ABCB5: variants seen among roughly 807,000 people sequenced by gnomAD.
The protein encoded by ABCB5 is ATP-binding cassette sub-family B member 5.
Under a neutral mutation model 144.2 loss-of-function variants are expected in ABCB5, and 155 were observed. The observed-to-expected ratio is 1.08, with a 90% CI of 0.94 to 1.23. The LOEUF is 1.23. Ranked by LOEUF, ABCB5 falls within the 50% of genes most tolerant of loss-of-function variation. ABCB5 has a pLI of 0.00. For synonymous variants in ABCB5, 610 were observed against 528.6 expected, an observed-to-expected ratio of 1.15 and a Z score of -2.11; for missense variants, 1,830 against 1,520.8, an observed-to-expected ratio of 1.20 and a Z score of -3.38.
At chr7:20,664,915 C>G (rs1345693529) in intron 14 of ABCB5, among the ~76,000 whole-genome samples, 1 of 152,054 alleles carries the variant, frequency 6.6e-6, no homozygotes, top group African/African-American at 2.4e-5. Context: ...ATAGCAAGAC[C>G]TTGTCTGTAA....
intron 5 of ABCB5, among the ~76,000 whole-genome samples, chr7:20,638,254 A>C (rs896056701): frequency 2.6e-5 from 4 of 152,210 alleles, no homozygotes; most frequent in African/African-American, 9.6e-5. Context: ...TCCCAACACT[A>C]ATAGATAAAA....
chr7:20,666,170 CAAAAAAAAAA>C (rs60445898), intron 14 of ABCB5, among the ~76,000 whole-genome samples: 1 of 115,764 alleles, frequency 8.6e-6, no homozygotes, highest in Non-Finnish European at 1.9e-5. Context: ...AACTCTGTCT[CAAAAAAAAAA>C]AAAAAAAAAG....
Position 20,745,500 on chromosome 7 carries a change from G to A in ABCB5, c.3429+62G>A, listed in dbSNP as rs534518596. 204 of 1,460,884 alleles carry A rather than the reference G, an allele frequency of 1.4e-4. 2 individuals carry two copies. The African/African-American group carries it at 2.4e-3, about 18-fold the overall frequency. The allele number at this position is 1,460,884 out of a possible 1,614,324, so 90.5% of individuals were successfully genotyped here. On this transcript the variant is annotated intron_variant, in intron 26 of 27. Coordinates refer to ENST00000404938, the MANE Select transcript of ABCB5 (RefSeq NM_001163941.2). ...CCAAGTAAGGCTAAGTAGCTACTGG[G>A]CCTATGCAGTTGTTTTTATGTATTC...
chr7:20,619,817 A>G (rs1783770735), intron 1 of ABCB5, among the ~76,000 whole-genome samples: 1 of 152,228 alleles, frequency 6.6e-6, no homozygotes, highest in Non-Finnish European at 1.5e-5. Flanking sequence ...CAGGTTTTAC[A>G]TTTAAATCTT....
intron 14 of ABCB5, among the ~76,000 whole-genome samples, chr7:20,667,878 C>A (rs1388289142): frequency 6.7e-6 from 1 of 148,948 alleles, no homozygotes; most frequent in South Asian, 2.3e-4. Flanking sequence ...CACGCCGCCA[C>A]GCCTGACTGG....
At chr7:20,730,097 C>A (rs1782160346) in intron 23 of ABCB5, among the ~76,000 whole-genome samples, 1 of 152,182 alleles carries the variant, frequency 6.6e-6, no homozygotes, top group South Asian at 2.1e-4. Context: ...AGAAAACAGT[C>A]CAGAGTTCAC....
intron 14 of ABCB5, among the ~76,000 whole-genome samples, chr7:20,680,569 C>CAAA (rs112635560): frequency 3.8e-5 from 3 of 78,250 alleles, no homozygotes; most frequent in Admixed American, 1.5e-4. Flanking sequence ...GACTCCGTCT[C>CAAA]AAAAAAAAAA....
At chr7:20,619,707 C>T (rs1783768306) in intron 1 of ABCB5, among the ~76,000 whole-genome samples, 1 of 152,128 alleles carries the variant, frequency 6.6e-6, no homozygotes, top group Non-Finnish European at 1.5e-5. Context: ...CCAATTTTTG[C>T]TTCTGTCACA....
chr7:20,717,883 C>CT (rs574592723), intron 20 of ABCB5, among the ~76,000 whole-genome samples: 517 of 43,266 alleles, frequency 0.012, 209 homozygotes, highest in African/African-American at 0.014. Flanking sequence ...TTGTAACATT[C>CT]TTTTTTTTTT....
chr7:20,704,292 G>A (rs562457761), intron 19 of ABCB5, among the ~76,000 whole-genome samples: 55 of 151,956 alleles, frequency 3.6e-4, no homozygotes, highest in South Asian at 8.4e-4. Context: ...GGCCAGGCTG[G>A]TCTCGACCCC....
chr7:20,698,341 G>T, intron 16 of ABCB5, 66 bp from the exon 17 acceptor site: 1 of 1,357,676 alleles, frequency 7.4e-7, no homozygotes, highest in Non-Finnish European at 9.9e-7. Flanking sequence ...TTTATGATGG[G>T]CTAACTTCAC....
intron 19 of ABCB5, 89 bp from the exon 20 acceptor site, chr7:20,704,635 A>T: frequency 1.1e-6 from 1 of 947,484 alleles, no homozygotes; most frequent in Non-Finnish European, 1.6e-6. Context: ...GGAGGCAGGT[A>T]AATGTTTTCT....
intron 25 of ABCB5, among the ~76,000 whole-genome samples, chr7:20,743,904 T>A (rs1782637836): frequency 6.6e-6 from 1 of 152,210 alleles, no homozygotes; most frequent in South Asian, 2.1e-4. Flanking sequence ...GCACACTCCC[T>A]CTTCTAAACC....
At chr7:20,627,570 G>T (rs1046541086) in intron 3 of ABCB5, among the ~76,000 whole-genome samples, 13 of 151,856 alleles carry the variant, frequency 8.6e-5, no homozygotes, top group Admixed American at 1.3e-4. Context: ...TTTGGTTTTG[G>T]ACAGATGCTA....
chr7:20,723,162 C>T lies in ABCB5; in HGVS notation c.2568C>T (p.Thr856=), dbSNP rs752447604. 6.3e-5 allele frequency: 101 copies of T among 1,613,936 alleles called. 1 individual carries two copies. The highest frequency in any genetic ancestry group is 8.1e-5 in the Non-Finnish European group (95 of 1,180,038). ...PVLAVTGMIE[T]AAMTGFANKD... is the part of the protein sequence containing the mutation. The stretch of plus-strand genomic sequence containing the variant: ...TTGCCGTGACAGGAATGATTGAAAC[C>T]GCAGCAATGACTGGATTTGCCAACA... The change falls in exon 21 of 28, where the codon ACC becomes ACT. Residue 856 remains threonine, a synonymous_variant. Transcript: ENST00000404938.
chr7:20,687,339 A>G (rs1786035374), intron 16 of ABCB5, among the ~76,000 whole-genome samples: 1 of 152,250 alleles, frequency 6.6e-6, no homozygotes, highest in Admixed American at 6.5e-5. Context: ...GGACAAAATG[A>G]TATAATTGGT....
At chr7:20,682,120 G>C (rs532919487) in intron 15 of ABCB5, among the ~76,000 whole-genome samples, 1 of 152,194 alleles carries the variant, frequency 6.6e-6, no homozygotes, top group East Asian at 1.9e-4. Flanking sequence ...CAAGCGAATT[G>C]CTTGAACTAG....
rs761865636 is a variant in ABCB5 at position 20,649,997 on chromosome 7, AT to A, written c.1207-21del. ...ATCATCTTCTTATTGTGGTTTTATG[AT>A]TTTCCCTCCATACATTCCAATAGAT... On this transcript the variant is annotated intron_variant, in intron 11 of 27. Transcript: ENST00000404938. 3.8e-6 allele frequency: 6 copies of A among 1,595,716 alleles called. 1 individual carries two copies. In the South Asian group the frequency reaches 6.8e-5, roughly 18 times the overall value.
intron 20 of ABCB5, among the ~76,000 whole-genome samples, chr7:20,712,509 T>C (rs945786794): frequency 2.0e-5 from 3 of 149,568 alleles, no homozygotes; most frequent in African/African-American, 7.4e-5. Context: ...TAATTCTACA[T>C]ATATTAGGCT....
Sources: allele counts gnomAD v4.1 joint callset (sites outside exome capture counted in the v4.1 genomes callset), GRCh38; gene constraint gnomAD v4.1.1; transcripts MANE v1.5; gene names NCBI Gene and HGNC (gene_info 2026-07-23, HGNC 2026-07-21).